PPFIA2: variants seen among roughly 807,000 people sequenced by gnomAD.
PPFIA2 encodes the protein liprin-alpha-2.
PPFIA2 carries 46 observed loss-of-function variants against 175.5 expected under a neutral mutation model. That is an observed-to-expected ratio of 0.26 (90% CI 0.21 to 0.34). The LOEUF is 0.34. Among genes scored for constraint, PPFIA2 ranks in the 10% least tolerant of loss-of-function variants. The probability of loss-of-function intolerance (pLI) is 1.00; values close to 1 mark genes in which losing one functional copy is unlikely to be tolerated. For synonymous variants in PPFIA2, 568 were observed against 511.4 expected (o/e 1.11, Z -1.49); for missense variants, 1,179 against 1,506.1 (o/e 0.78, Z 3.60).
chr12:81,638,766 C>A (rs1218117483), intron 4 of PPFIA2, among the ~76,000 whole-genome samples: 2 of 138,320 alleles, frequency 1.4e-5, no homozygotes, highest in African/African-American at 2.7e-5. Context: ...CGGCTCACTG[C>A]AAGCTCCGCC....
At chr12:81,738,921 C>A (rs1414670994) in intron 3 of PPFIA2, among the ~76,000 whole-genome samples, 1 of 151,876 alleles carries the variant, frequency 6.6e-6, no homozygotes, top group East Asian at 1.9e-4. Flanking sequence ...GAAAAGAAAT[C>A]TGCTCTAATA....
intron 4 of PPFIA2, among the ~76,000 whole-genome samples, chr12:81,560,292 G>A (rs1292013373): frequency 6.6e-6 from 1 of 151,850 alleles, no homozygotes; most frequent in East Asian, 1.9e-4. Context: ...GAGAGAGCTA[G>A]AGAGAGAGAC....
chr12:81,515,347 A>G (rs2062291692), intron 4 of PPFIA2, among the ~76,000 whole-genome samples: 1 of 151,962 alleles, frequency 6.6e-6, no homozygotes, highest in African/African-American at 2.4e-5. Context: ...AGATTACCCA[A>G]CATAGATGTA....
intron 4 of PPFIA2, among the ~76,000 whole-genome samples, chr12:81,584,504 A>G (rs1336491129): frequency 2.6e-5 from 4 of 151,682 alleles, no homozygotes; most frequent in Non-Finnish European, 5.9e-5. Context: ...AAAGTATGCT[A>G]CAGTTATACA....
chr12:81,589,019 A>C (rs1353843098), intron 4 of PPFIA2, among the ~76,000 whole-genome samples: 1 of 152,112 alleles, frequency 6.6e-6, no homozygotes, highest in Non-Finnish European at 1.5e-5. Flanking sequence ...TGTGATTTTA[A>C]GGAGGTTGCA....
intron 6 of PPFIA2, among the ~76,000 whole-genome samples, chr12:81,444,881 C>T (rs1320191846): frequency 9.9e-5 from 15 of 151,964 alleles, no homozygotes; most frequent in Admixed American, 9.2e-4. Context: ...AATTGAAATA[C>T]GTCATAAGCC....
chr12:81,565,847 A>G (rs1043029250), intron 4 of PPFIA2, among the ~76,000 whole-genome samples: 4 of 152,208 alleles, frequency 2.6e-5, no homozygotes, highest in Admixed American at 2.0e-4. Context: ...TAATGCCACA[A>G]ATATTTTCTT....
chr12:81,283,158 G>A (rs544236112), intron 25 of PPFIA2, 119 bp from the exon 26 acceptor site: 1 of 957,276 alleles, frequency 1.0e-6, no homozygotes, highest in Non-Finnish European at 1.6e-6. Context: ...TGTATAACAG[G>A]TAGAATAAAC....
intron 4 of PPFIA2, among the ~76,000 whole-genome samples, chr12:81,628,123 C>A (rs1049639401): frequency 2.0e-5 from 3 of 152,076 alleles, no homozygotes; most frequent in Non-Finnish European, 4.4e-5. Context: ...TGTTATACTT[C>A]ATATAATTTC....
chr12:81,578,228 A>T (rs2073890242), intron 4 of PPFIA2, among the ~76,000 whole-genome samples: 1 of 151,718 alleles, frequency 6.6e-6, no homozygotes. Flanking sequence ...ACACACTGTC[A>T]CTTGCACCAT....
In PPFIA2 at chr12:81,717,629, T is replaced by C. The variant is rs373586277; in HGVS notation, c.249+36344A>G. On this transcript the variant is annotated intron_variant, in intron 3 of 32. Transcript: ENST00000549396. ...ATAGTTAGGGCCTTCAAAACTAATATAGTCATTCAAAATTACTTAATTGAG... is the reference window on the plus strand; with the variant it reads ...ATAGTTAGGGCCTTCAAAACTAATACAGTCATTCAAAATTACTTAATTGAG... Among the ~76,000 whole-genome samples, 360 of 151,828 alleles carry C rather than the reference T, an allele frequency of 2.4e-3. 1 individual carries two copies. Among genetic ancestry groups the C allele is most frequent in the African/African-American group, 8.4e-3 (348 of 41,500 alleles).
intron 4 of PPFIA2, among the ~76,000 whole-genome samples, chr12:81,569,306 A>G (rs1163232053): frequency 6.6e-6 from 1 of 152,170 alleles, no homozygotes; most frequent in African/African-American, 2.4e-5. Flanking sequence ...TCTGCTGTAC[A>G]AATGAGAGAT....
chr12:81,473,946 A>G (rs1307588126), intron 4 of PPFIA2, among the ~76,000 whole-genome samples: 4 of 152,144 alleles, frequency 2.6e-5, no homozygotes, highest in Non-Finnish European at 5.9e-5. Flanking sequence ...GTTACCTGGG[A>G]AAATGGAAAA....
chr12:81,568,051 C>A (rs2071703977), intron 4 of PPFIA2, among the ~76,000 whole-genome samples: 2 of 152,162 alleles, frequency 1.3e-5, no homozygotes, highest in African/African-American at 4.8e-5. Flanking sequence ...CCTAATCTGA[C>A]TAACACTAGG....
At chr12:81,347,267 A>G (rs1415827173) in intron 18 of PPFIA2, among the ~76,000 whole-genome samples, 3 of 152,084 alleles carry the variant, frequency 2.0e-5, no homozygotes, top group Non-Finnish European at 4.4e-5. Context: ...ATTGACATTT[A>G]TAATGTGCTA....
intron 4 of PPFIA2, among the ~76,000 whole-genome samples, chr12:81,614,420 G>A (rs1360284207): frequency 1.3e-5 from 2 of 151,948 alleles, no homozygotes; most frequent in East Asian, 3.9e-4. Context: ...TATTTACATG[G>A]GTAGCATGGA....
chr12:81,676,589 TTA>T (rs2072550691), intron 4 of PPFIA2, 200 bp downstream of exon 4: 1 of 349,886 alleles, frequency 2.9e-6, no homozygotes, highest in Non-Finnish European at 5.1e-6. Flanking sequence ...AGATAAATTT[TTA>T]TGAGTTGTTA....
At chr12:81,746,205 A>G (rs2083046165) in intron 3 of PPFIA2, among the ~76,000 whole-genome samples, 1 of 144,710 alleles carries the variant, frequency 6.9e-6, no homozygotes, top group African/African-American at 2.4e-5. Flanking sequence ...TAGCTATTAC[A>G]ATTAATCTTA....
chr12:81,680,474 G>C (rs1442295519), intron 3 of PPFIA2, among the ~76,000 whole-genome samples: 2 of 151,904 alleles, frequency 1.3e-5, no homozygotes, highest in African/African-American at 4.8e-5. Flanking sequence ...CTAGTGAACA[G>C]TTTCACCCTG....
Sources: allele counts gnomAD v4.1 joint callset (sites outside exome capture counted in the v4.1 genomes callset), GRCh38; gene constraint gnomAD v4.1.1; transcripts MANE v1.5; gene names NCBI Gene and HGNC (gene_info 2026-07-23, HGNC 2026-07-21).